MYCBP: variants seen among roughly 807,000 people sequenced by gnomAD.
MYCBP encodes MYC binding protein.
In MYCBP, 5 loss-of-function variants were observed where a neutral mutation model predicts 16.8. The observed-to-expected ratio is 0.30, with a 90% confidence interval of 0.16 to 0.63. The LOEUF (loss-of-function observed/expected upper bound fraction) is 0.63, where lower values mean the gene tolerates loss of function less well. Ranked by LOEUF, MYCBP falls within the 20% of genes least tolerant of loss-of-function variation. The pLI is 0.83. For missense variants in MYCBP, 103 were observed against 121.8 expected, an observed-to-expected ratio of 0.85 and a Z score of 0.73; for synonymous variants, 35 against 43.7, an observed-to-expected ratio of 0.80 and a Z score of 0.79.
At chr1:38,872,291 A>C (rs1321206429) in intron 2 of MYCBP, among the ~76,000 whole-genome samples, 1 of 152,222 alleles carries the variant, frequency 6.6e-6, no homozygotes, top group Non-Finnish European at 1.5e-5. Context: ...AATTAGTGCT[A>C]AGCCAATAAA....
intron 4 of MYCBP, among the ~76,000 whole-genome samples, chr1:38,866,428 A>C (rs1464106195): frequency 1.5e-5 from 2 of 132,824 alleles, no homozygotes; most frequent in Non-Finnish European, 1.6e-5. Context: ...TTTTTTTTTA[A>C]CCCCCCTAGA....
chr1:38,872,217 C>T (rs1472841910), intron 2 of MYCBP, among the ~76,000 whole-genome samples: 1 of 152,142 alleles, frequency 6.6e-6, no homozygotes, highest in East Asian at 1.9e-4. Flanking sequence ...CTCATCCCTG[C>T]GAACAATTCC....
At chr1:38,871,872 G>A (rs1048484561) in intron 2 of MYCBP, among the ~76,000 whole-genome samples, 3 of 152,100 alleles carry the variant, frequency 2.0e-5, no homozygotes, top group African/African-American at 7.2e-5. Context: ...CCAGTGTGCA[G>A]AACAGACACC....
chr1:38,865,272 C>A (rs1187392792), intron 4 of MYCBP, among the ~76,000 whole-genome samples: 1 of 152,234 alleles, frequency 6.6e-6, no homozygotes, highest in Non-Finnish European at 1.5e-5. Context: ...GTTCTGCCAA[C>A]TACCTGTTGG....
intron 3 of MYCBP, 97 bp downstream of exon 3, chr1:38,867,465 G>T: frequency 3.6e-4 from 268 of 750,054 alleles, no homozygotes; most frequent in Non-Finnish European, 4.8e-4. Context: ...AAAAAAAAAA[G>T]TAACTTTCTC....
At position 38,863,858 on chromosome 1, in the gene MYCBP, T is replaced by G. The variant is rs1301402239; in HGVS notation, c.*812A>C. 1.3e-5 allele frequency: 2 copies of G among 152,504 alleles called. No individual in the cohort carries two copies. Among genetic ancestry groups the G allele is most frequent in the Non-Finnish European group, 2.9e-5 (2 of 68,044 alleles). The allele number at this position is 152,504 out of a possible 1,614,324, so 9.4% of individuals were successfully genotyped here. A position where few individuals can be genotyped will look rare whatever the true frequency, so the allele number is the denominator to read the frequency against. On this transcript the variant is annotated 3_prime_UTR_variant, in exon 5 of 5. Transcript: ENST00000397572. ...TCCCCAATATATGGCTCATTCCTCT[T>G]CTCATCTCAGCTTGTGTGTGAACCC...
chr1:38,869,813 G>A (rs186071562), intron 2 of MYCBP, among the ~76,000 whole-genome samples: 7 of 151,632 alleles, frequency 4.6e-5, no homozygotes, highest in African/African-American at 1.7e-4. Flanking sequence ...GGCCAAGACA[G>A]GAGGATTGCT....
chr1:38,867,062 T>C (rs1642356719), intron 3 of MYCBP, 53 bp from the exon 4 acceptor site: 1 of 1,497,746 alleles, frequency 6.7e-7, no homozygotes, highest in Non-Finnish European at 9.2e-7. Flanking sequence ...ACTAATGAAA[T>C]AGCACAGAGT....
Position 38,864,706 on chromosome 1 carries a change from C to G in MYCBP, c.276G>C (p.Gln92His), listed in dbSNP as rs745407391. 3 of 1,613,850 alleles carry G rather than the reference C, an allele frequency of 1.9e-6. No individual in the cohort carries two copies. Among genetic ancestry groups the G allele is most frequent in the Non-Finnish European group, 2.5e-6 (3 of 1,179,834 alleles). ...GCTTCTCCTCCTGAGGTGGTTCATA[C>G]TGAGCAAGCTATGGGGCAAAGACAG... ...ENKKLKAKLA[Q>H]YEPPQEEKRA... Residue 92 changes from glutamine (Q) to histidine (H), a missense_variant, in exon 5 of 5, where the codon CAG (glutamine) becomes CAC (histidine). Coordinates refer to ENST00000397572, the MANE Select transcript of MYCBP (RefSeq NM_012333.5).
chr1:38,871,897 AAATG>A (rs1642474243), intron 2 of MYCBP, among the ~76,000 whole-genome samples: 1 of 152,152 alleles, frequency 6.6e-6, no homozygotes, highest in Admixed American at 6.5e-5. Flanking sequence ...TAAAATTATT[AAATG>A]AAAGAAATGA....
At position 38,862,703 on chromosome 1, in the gene MYCBP, T is replaced by G. The variant is rs577960250; in HGVS notation, c.*1967A>C. ...TGAAGAGGACCTCTAGAGGCTAAGC[T>G]TATCCTGAATTCTTAAATAGCACTG... On this transcript the variant is annotated 3_prime_UTR_variant, in exon 5 of 5. Transcript: ENST00000397572. Among the ~76,000 whole-genome samples, 1 of 152,350 alleles carries G rather than the reference T, an allele frequency of 6.6e-6. No individual in the cohort carries two copies. Among genetic ancestry groups the G allele is most frequent in the East Asian group, 1.9e-4 (1 of 5,186 alleles).
intron 3 of MYCBP, 133 bp from the exon 4 acceptor site, chr1:38,867,142 A>G: frequency 1.1e-6 from 1 of 894,624 alleles, no homozygotes; most frequent in Non-Finnish European, 1.7e-6. Context: ...CCATCCAAAA[A>G]CTCAAGTGAA....
intron 1 of MYCBP, 98 bp from the exon 2 acceptor site, chr1:38,873,188 G>A (rs1642505344): frequency 6.4e-7 from 1 of 1,559,880 alleles, no homozygotes; most frequent in Non-Finnish European, 8.7e-7. Flanking sequence ...ACTACCTCGG[G>A]GCCCTCCCGC....
Position 38,867,550 on chromosome 1 carries a change from T to G in MYCBP, c.137+12A>C, listed in dbSNP as rs1258430278. The stretch of plus-strand genomic sequence containing the variant: ...TTTCAAAATAAAGCCTTTTTCTGAC[T>G]TGAAAGGATACTCCAAAGCACTGTT... On this transcript the variant is annotated intron_variant, in intron 3 of 4. Coordinates refer to ENST00000397572, the MANE Select transcript of MYCBP (RefSeq NM_012333.5). 6.2e-7 allele frequency: 1 copy of G among 1,610,614 alleles called. No individual in the cohort carries two copies. The highest frequency in any genetic ancestry group is 2.2e-5 in the East Asian group (1 of 44,862).
intron 2 of MYCBP, among the ~76,000 whole-genome samples, chr1:38,869,151 T>C (rs12069323): frequency 4.0e-5 from 6 of 150,986 alleles, no homozygotes; most frequent in Non-Finnish European, 7.4e-5. Flanking sequence ...TGCAATGGCA[T>C]AATCTTGGCT....
chr1:38,871,249 C>T (rs1557596831), intron 2 of MYCBP, among the ~76,000 whole-genome samples: 1 of 152,118 alleles, frequency 6.6e-6, no homozygotes, highest in African/African-American at 2.4e-5. Flanking sequence ...TTACCGCCTA[C>T]AACTGTCATT....
Position 38,872,035 on chromosome 1 carries a change from A to G in MYCBP, c.88+983T>C, listed in dbSNP as rs868601480. Among the ~76,000 whole-genome samples the G allele has an allele frequency of 2.6e-5, 4 of 152,330 alleles. No individual in the cohort carries two copies. In the South Asian group the frequency reaches 8.3e-4, roughly 32 times the overall value. ...GCTGAAGTTTATTTGCAAAGAGGTA[A>G]ACTATTATCTGAACCCCAAATAGGT... On this transcript the variant is annotated intron_variant, in intron 2 of 4. Transcript: ENST00000397572.
Position 38,863,356 on chromosome 1 carries a change from AG to A in MYCBP, c.*1313del, listed in dbSNP as rs978376358. 3 of 152,262 alleles carry A rather than the reference AG, an allele frequency of 2.0e-5. No individual in the cohort carries two copies. The highest frequency in any genetic ancestry group is 2.9e-5 in the Non-Finnish European group (2 of 68,050). 9.4% of individuals were successfully genotyped at this position (152,262 alleles called of 1,614,324 possible). On this transcript the variant is annotated 3_prime_UTR_variant, in exon 5 of 5. Coordinates refer to ENST00000397572, the MANE Select transcript of MYCBP (RefSeq NM_012333.5). ...GTGTGTTTTGACCAAAAACAAAGAT[AG>A]GTTCTCTAACAACAGGGAGAGAATA... is the stretch of plus-strand genomic sequence containing the variant.
intron 4 of MYCBP, 96 bp from the exon 5 acceptor site, chr1:38,864,810 G>T: frequency 9.1e-7 from 1 of 1,102,474 alleles, no homozygotes; most frequent in South Asian, 1.3e-5. Context: ...CTTAGTTACT[G>T]TCAGTAAATT....
Sources: allele counts gnomAD v4.1 joint callset (sites outside exome capture counted in the v4.1 genomes callset), GRCh38; gene constraint gnomAD v4.1.1; transcripts MANE v1.5; gene names NCBI Gene and HGNC (gene_info 2026-07-23, HGNC 2026-07-21).